FUT8: variants seen among roughly 807,000 people sequenced by gnomAD.
The protein encoded by FUT8 is fucosyltransferase 8, also known as alpha-(1,6)-fucosyltransferase.
FUT8 carries 29 observed loss-of-function variants against 71.3 expected under a neutral mutation model. The ratio of observed to expected loss-of-function variants is 0.41; its 90% CI spans 0.30 to 0.55. FUT8 has a LOEUF of 0.55. Among genes scored for constraint, FUT8 ranks in the 20% least tolerant of loss-of-function variants. The pLI, the probability that FUT8 is intolerant of heterozygous loss-of-function variation, is 0.34. For missense variants in FUT8, 544 were observed against 702.1 expected, an observed-to-expected ratio of 0.77 and a Z score of 2.55; for synonymous variants, 254 against 239.3, an observed-to-expected ratio of 1.06 and a Z score of -0.57.
At chr14:65,359,528 C>T in the FUT8 span, among the ~76,000 whole-genome samples, 3 of 152,206 alleles carry the variant, frequency 2.0e-5, no homozygotes, top group South Asian at 2.1e-4. Context: ...CTCTGGCAAC[C>T]GCTATTCTAC....
At position 65,440,307 on chromosome 14, in the gene FUT8, A is replaced by G. The variant is rs79149799; in HGVS notation, c.-325-15314A>G. Among the ~76,000 whole-genome samples, 485 of 152,002 alleles carry G rather than the reference A, an allele frequency of 3.2e-3. 4 individuals are homozygous for G. In the East Asian group the frequency reaches 0.034, roughly 11 times the overall value. On this transcript the variant is annotated intron_variant, in intron 1 of 10. Transcript: ENST00000673929. ...TACAGCATGGTTGACTGTAGTTAAT[A>G]ATAAAGTGTTGTATACTTGAAAATT...
intron 3 of FUT8, among the ~76,000 whole-genome samples, chr14:65,580,092 T>A (rs375230521): frequency 1.2e-4 from 8 of 64,306 alleles, no homozygotes; most frequent in African/African-American, 4.6e-4. Flanking sequence ...ATATATATAG[T>A]CATGCATTGC....
chr14:65,733,420 T>C, intron 10 of FUT8, 39 bp downstream of exon 10: 4 of 1,476,898 alleles, frequency 2.7e-6, no homozygotes, highest in Non-Finnish European at 3.6e-6. Context: ...ACCAATACTT[T>C]TTGGTTGTAT....
intron 1 of FUT8, among the ~76,000 whole-genome samples, chr14:65,425,468 G>GTT (rs557101189): frequency 2.9e-4 from 35 of 119,524 alleles, no homozygotes; most frequent in East Asian, 9.9e-4. Context: ...ATGCCTGGCC[G>GTT]TTTTTTTTTT....
At chr14:65,698,257 A>G (rs1894096239) in intron 7 of FUT8, among the ~76,000 whole-genome samples, 2 of 152,242 alleles carry the variant, frequency 1.3e-5, no homozygotes, top group African/African-American at 4.8e-5. Context: ...ACTAAAATAT[A>G]GATTCTATAA....
intron 2 of FUT8, among the ~76,000 whole-genome samples, chr14:65,493,225 G>A (rs1440412149): frequency 1.3e-4 from 20 of 152,134 alleles, no homozygotes; most frequent in Non-Finnish European, 4.4e-5. Flanking sequence ...TCAGTCATCT[G>A]TGAAGATACT....
At chr14:65,738,390 A>T (rs932673552) in intron 10 of FUT8, among the ~76,000 whole-genome samples, 48 of 152,072 alleles carry the variant, frequency 3.2e-4, no homozygotes, top group African/African-American at 1.1e-3. Context: ...AAGGGATGAA[A>T]TTCAGACTAA....
intron 10 of FUT8, among the ~76,000 whole-genome samples, chr14:65,737,758 A>C (rs1018715538): frequency 6.6e-6 from 1 of 152,112 alleles, no homozygotes; most frequent in African/African-American, 2.4e-5. Flanking sequence ...AAAAGTTATC[A>C]TAATACAAAA....
chr14:65,613,865 A>G (rs760676393), intron 3 of FUT8, among the ~76,000 whole-genome samples: 3 of 152,086 alleles, frequency 2.0e-5, no homozygotes, highest in Non-Finnish European at 4.4e-5. Flanking sequence ...GTAATTCAGC[A>G]CTTTGGGAGG....
chr14:65,641,123 A>G (rs78940727), intron 6 of FUT8, among the ~76,000 whole-genome samples: 2,669 of 152,274 alleles, frequency 0.018, 78 homozygotes, highest in African/African-American at 0.061. Flanking sequence ...AAGATAGTGA[A>G]CTTATTTAAC....
chr14:65,724,053 C>G, intron 8 of FUT8, 94 bp from the exon 9 acceptor site: 1 of 868,144 alleles, frequency 1.2e-6, no homozygotes, highest in Middle Eastern at 2.4e-4. Context: ...GTTAAAAATG[C>G]CTATAATGCC....
intron 2 of FUT8, among the ~76,000 whole-genome samples, chr14:65,480,855 T>C (rs1318105322): frequency 1.3e-5 from 2 of 151,900 alleles, no homozygotes; most frequent in Non-Finnish European, 2.9e-5. Context: ...CTGGCTAATT[T>C]TTTTTTGTAT....
At chr14:65,383,265 CTTTTTTTTTTTT>C in the FUT8 span, among the ~76,000 whole-genome samples, 21 of 86,536 alleles carry the variant, frequency 2.4e-4, no homozygotes, top group South Asian at 9.1e-4. Context: ...TTTTTCTTTT[CTTTTTTTTTTTT>C]TTTTTTTTTT....
At chr14:65,686,107 G>A (rs905400256) in intron 7 of FUT8, among the ~76,000 whole-genome samples, 2 of 152,266 alleles carry the variant, frequency 1.3e-5, no homozygotes, top group South Asian at 2.1e-4. Flanking sequence ...GGTGAACAGA[G>A]GCCACAGAAA....
intron 7 of FUT8, among the ~76,000 whole-genome samples, chr14:65,698,936 A>G (rs1894136833): frequency 1.3e-5 from 2 of 152,154 alleles, no homozygotes; most frequent in Non-Finnish European, 2.9e-5. Flanking sequence ...GCTAAATGCA[A>G]TGATTGAGAT....
At chr14:65,427,848 C>T (rs931792792) in intron 1 of FUT8, among the ~76,000 whole-genome samples, 3 of 152,202 alleles carry the variant, frequency 2.0e-5, no homozygotes, top group South Asian at 2.1e-4. Flanking sequence ...TGCCTATCCC[C>T]AGCTCCAGGC....
intron 7 of FUT8, among the ~76,000 whole-genome samples, chr14:65,708,157 A>G (rs1894643436): frequency 6.6e-6 from 1 of 152,182 alleles, no homozygotes; most frequent in Non-Finnish European, 1.5e-5. Context: ...TAATTGAATC[A>G]TGGGGGTGGT....
At chr14:65,569,021 T>G (rs1214505666) in intron 3 of FUT8, among the ~76,000 whole-genome samples, 1 of 151,894 alleles carries the variant, frequency 6.6e-6, no homozygotes, top group East Asian at 1.9e-4. Context: ...GAATTTACTT[T>G]AGCAGTAATT....
chr14:65,611,284 CACACACACACACACACA>C (rs1888970853), intron 3 of FUT8, among the ~76,000 whole-genome samples: 13 of 41,322 alleles, frequency 3.1e-4, no homozygotes, highest in African/African-American at 5.0e-4. Flanking sequence ...CACACACACA[CACACACACACACACACA>C]CCCCCCAAGT....
Sources: allele counts gnomAD v4.1 joint callset (sites outside exome capture counted in the v4.1 genomes callset), GRCh38; gene constraint gnomAD v4.1.1; transcripts MANE v1.5; gene names NCBI Gene and HGNC (gene_info 2026-07-23, HGNC 2026-07-21).